PBX3: variants seen among roughly 807,000 people sequenced by gnomAD.
PBX3 encodes pre-B-cell leukemia transcription factor 3.
A neutral mutation model predicts 48.5 loss-of-function variants in PBX3; 14 were observed. That is an observed-to-expected ratio of 0.29 (90% CI 0.19 to 0.45). The LOEUF (loss-of-function observed/expected upper bound fraction) is 0.45, where lower values mean the gene tolerates loss of function less well. Among genes scored for constraint, PBX3 ranks in the 20% least tolerant of loss-of-function variants. The probability of loss-of-function intolerance (pLI) is 1.00; values close to 1 mark genes in which losing one functional copy is unlikely to be tolerated. For synonymous variants in PBX3, 210 were observed against 200.3 expected, an observed-to-expected ratio of 1.05 and a Z score of -0.41; for missense variants, 386 against 546.7, an observed-to-expected ratio of 0.71 and a Z score of 2.93.
intron 5 of PBX3, among the ~76,000 whole-genome samples, chr9:125,952,686 G>T (rs75685547): frequency 0.055 from 8,395 of 152,194 alleles, 755 homozygotes; most frequent in African/African-American, 0.19. Flanking sequence ...TTGGTCACTC[G>T]TATAGCTCTG....
At chr9:125,918,125 T>C (rs995593674) in intron 3 of PBX3, among the ~76,000 whole-genome samples, 4 of 152,302 alleles carry the variant, frequency 2.6e-5, no homozygotes, top group Admixed American at 2.0e-4. Context: ...AGAGATATAA[T>C]ATTAGAGGCC....
At chr9:125,876,520 G>T (rs1201686577) in intron 2 of PBX3, among the ~76,000 whole-genome samples, 1 of 152,072 alleles carries the variant, frequency 6.6e-6, no homozygotes, top group Non-Finnish European at 1.5e-5. Flanking sequence ...TCTCTTCCTT[G>T]ATATTTTCTT....
Position 125,823,626 on chromosome 9 carries a change from A to G in PBX3, c.274+75003A>G, listed in dbSNP as rs538647030. Among the ~76,000 whole-genome samples, 10 of 152,264 alleles carry G rather than the reference A, an allele frequency of 6.6e-5. No individual in the cohort carries two copies. The South Asian group carries it at 1.9e-3, about 28-fold the overall frequency. On this transcript the variant is annotated intron_variant, in intron 2 of 8. Transcript: ENST00000373489. ...ATTTCTGTGTTAGCTACTTTGGATC[A>G]GTCTCCTTTTTTAAAAAAAGAAAGA...
At chr9:125,933,260 T>A (rs1024598351) in intron 4 of PBX3, among the ~76,000 whole-genome samples, 8 of 152,242 alleles carry the variant, frequency 5.3e-5, no homozygotes, top group Non-Finnish European at 1.0e-4. Context: ...CCCATGCTCA[T>A]GTTTGCTTCA....
intron 2 of PBX3, among the ~76,000 whole-genome samples, chr9:125,839,862 C>G (rs1839240162): frequency 6.6e-6 from 1 of 152,100 alleles, no homozygotes; most frequent in South Asian, 2.1e-4. Flanking sequence ...TAATTTACTC[C>G]TGACATCTGA....
intron 2 of PBX3, among the ~76,000 whole-genome samples, chr9:125,810,346 A>G: frequency 6.7e-6 from 1 of 150,190 alleles, no homozygotes; most frequent in South Asian, 2.1e-4. Flanking sequence ...TGTAATATTA[A>G]CCTTCTGGAG....
rs548953495 is a variant in PBX3 at position 125,838,823 on chromosome 9, C to G, written c.275-76863C>G. Among the ~76,000 whole-genome samples the G allele has an allele frequency of 1.4e-4, 21 of 152,184 alleles. No individual in the cohort carries two copies. The South Asian group carries it at 3.5e-3, about 26-fold the overall frequency. Reference sequence around the variant, plus strand: ...AGGTCTAGGTTAGAAATGTATGGCACTAATCTGGGAAGGTTTTATAAAATG... The same window carrying G: ...AGGTCTAGGTTAGAAATGTATGGCAGTAATCTGGGAAGGTTTTATAAAATG... On this transcript the variant is annotated intron_variant, in intron 2 of 8. Transcript: ENST00000373489.
At chr9:125,832,042 TA>T (rs1838975786) in intron 2 of PBX3, among the ~76,000 whole-genome samples, 1 of 152,210 alleles carries the variant, frequency 6.6e-6, no homozygotes, top group Non-Finnish European at 1.5e-5. Flanking sequence ...CTCACATTGA[TA>T]ATTCTAACTC....
At chr9:125,754,564 A>G (rs947425525) in intron 2 of PBX3, among the ~76,000 whole-genome samples, 35 of 150,136 alleles carry the variant, frequency 2.3e-4, no homozygotes, top group African/African-American at 8.5e-4. Flanking sequence ...CTGAAAAAAT[A>G]AACCACCTTT....
chr9:125,834,985 C>T (rs1035810617), intron 2 of PBX3, among the ~76,000 whole-genome samples: 7 of 120,568 alleles, frequency 5.8e-5, no homozygotes, highest in African/African-American at 2.2e-4. Context: ...CCACTGCACT[C>T]CAGCCTCGGT....
At chr9:125,877,940 C>G (rs1564152505) in intron 2 of PBX3, among the ~76,000 whole-genome samples, 1 of 152,132 alleles carries the variant, frequency 6.6e-6, no homozygotes, top group African/African-American at 2.4e-5. Flanking sequence ...AATTGTTTTG[C>G]TTAGAGTTCA....
In PBX3 at chr9:125,962,272, C is replaced by T. The variant is rs556771536; in HGVS notation, c.1122+58C>T. On this transcript the variant is annotated intron_variant, in intron 7 of 8. Coordinates refer to ENST00000373489, the MANE Select transcript of PBX3 (RefSeq NM_006195.6). ...CAGGGTAGGGTTTGGGCTCAAAACT[C>T]CTTCCTCTGACCCCATGGAAGTGGT... The T allele has an allele frequency of 4.2e-5, 41 of 969,888 alleles. No homozygotes were observed. The African/African-American group carries it at 5.6e-4, about 13-fold the overall frequency. The allele number at this position is 969,888 out of a possible 1,614,324, so 60.1% of individuals were successfully genotyped here. A position where few individuals can be genotyped will look rare whatever the true frequency, so the allele number is the denominator to read the frequency against.
chr9:125,921,465 C>T (rs1205089122), intron 3 of PBX3, among the ~76,000 whole-genome samples: 1 of 152,096 alleles, frequency 6.6e-6, no homozygotes, highest in Non-Finnish European at 1.5e-5. Flanking sequence ...TTACCATTTT[C>T]ATTGTCATCA....
chr9:125,920,134 G>C (rs958738486), intron 3 of PBX3, among the ~76,000 whole-genome samples: 1 of 152,128 alleles, frequency 6.6e-6, no homozygotes, highest in South Asian at 2.1e-4. Flanking sequence ...TCTTCTTGTT[G>C]ATTCTGACAC....
intron 2 of PBX3, among the ~76,000 whole-genome samples, chr9:125,852,892 T>TC (rs1237633755): frequency 2.0e-5 from 3 of 152,200 alleles, no homozygotes; most frequent in Middle Eastern, 3.2e-3. Context: ...ACTTTTTTGT[T>TC]GTTAATTAGC....
intron 2 of PBX3, among the ~76,000 whole-genome samples, chr9:125,884,444 G>T (rs1337314015): frequency 6.6e-6 from 1 of 152,174 alleles, no homozygotes; most frequent in Non-Finnish European, 1.5e-5. Context: ...GCAACTTTTA[G>T]AAACAATTCA....
At chr9:125,780,973 A>G (rs1438884703) in intron 2 of PBX3, among the ~76,000 whole-genome samples, 3 of 109,700 alleles carry the variant, frequency 2.7e-5, no homozygotes, top group African/African-American at 8.1e-5. Flanking sequence ...GCGGCCGGGC[A>G]GAGGCGCTCC....
chr9:125,919,325 T>C (rs1841403759), intron 3 of PBX3, among the ~76,000 whole-genome samples: 1 of 151,396 alleles, frequency 6.6e-6, no homozygotes, highest in Non-Finnish European at 1.5e-5. Flanking sequence ...GCAATTCTCC[T>C]GGGATTACAG....
At chr9:125,760,259 T>C (rs1836629786) in intron 2 of PBX3, among the ~76,000 whole-genome samples, 1 of 152,246 alleles carries the variant, frequency 6.6e-6, no homozygotes, top group South Asian at 2.1e-4. Context: ...AAATTCCCTA[T>C]TTTAATTAAA....
Sources: allele counts gnomAD v4.1 joint callset (sites outside exome capture counted in the v4.1 genomes callset), GRCh38; gene constraint gnomAD v4.1.1; transcripts MANE v1.5; gene names NCBI Gene and HGNC (gene_info 2026-07-23, HGNC 2026-07-21).